Variants in SHISA9 observed in about 807,000 individuals in gnomAD.
SHISA9 encodes protein shisa-9.
A neutral mutation model predicts 38.0 loss-of-function variants in SHISA9; 13 were observed. The observed-to-expected ratio is 0.34, with a 90% CI of 0.22 to 0.54. The LOEUF is 0.54. Among genes scored for constraint, SHISA9 ranks in the 20% least tolerant of loss-of-function variants. The pLI, the probability that SHISA9 is intolerant of heterozygous loss-of-function variation, is 0.91. For synonymous variants in SHISA9, 275 were observed against 242.0 expected, an observed-to-expected ratio of 1.14 and a Z score of -1.27; for missense variants, 538 against 575.8, an observed-to-expected ratio of 0.93 and a Z score of 0.67.
At chr16:13,440,989 AAATT>A in the SHISA9 span, among the ~76,000 whole-genome samples, 2 of 152,338 alleles carry the variant, frequency 1.3e-5, 1 homozygote, top group South Asian at 4.1e-4. Context: ...GGAGTCGAGA[AAATT>A]AATCCAACTC....
intron 4 of SHISA9, among the ~76,000 whole-genome samples, chr16:13,221,337 C>CT (rs200333360): frequency 1.2e-4 from 18 of 150,948 alleles, no homozygotes; most frequent in South Asian, 4.2e-4. Context: ...GAAACTCAGG[C>CT]TTTTTTTTTC....
chr16:13,346,617 C>G, the SHISA9 span, among the ~76,000 whole-genome samples: 1 of 152,042 alleles, frequency 6.6e-6, no homozygotes, highest in African/African-American at 2.4e-5. Flanking sequence ...GTGGAAGTCT[C>G]TTTTATTTTA....
the SHISA9 span, among the ~76,000 whole-genome samples, chr16:13,477,782 T>C: frequency 6.6e-6 from 1 of 152,126 alleles, no homozygotes; most frequent in Admixed American, 6.5e-5. Context: ...CTGACCAACA[T>C]GGTAAAACCC....
chr16:13,308,521 A>T, the SHISA9 span, among the ~76,000 whole-genome samples: 1 of 152,222 alleles, frequency 6.6e-6, no homozygotes, highest in Non-Finnish European at 1.5e-5. Flanking sequence ...CATGGGTCTC[A>T]GACAAATATT....
In SHISA9 at chr16:13,143,015, T is replaced by TTTTATTTTATTTTATTTTA. The variant is rs1555465408; in HGVS notation, c.692-60370_692-60369insTTTTATTTTATTTATTTTA. On this transcript the variant is annotated intron_variant, in intron 2 of 4. Transcript: ENST00000558583. Reference sequence around the variant, plus strand: ...TTTTATTTTATTTTATTTTATTTTATTTTATTTTAAGACAGAGTTTTGCTC... The same window carrying TTTTATTTTATTTTATTTTA: ...TTTTATTTTATTTTATTTTATTTTATTTTATTTTATTTTATTTTATTTATTTTAAGACAGAGTTTTGCTC... Among the ~76,000 whole-genome samples the TTTTATTTTATTTTATTTTA allele has an allele frequency of 4.9e-4, 74 of 151,198 alleles. 2 individuals carry two copies. Among genetic ancestry groups the TTTTATTTTATTTTATTTTA allele is most frequent in the African/African-American group, 1.8e-3 (74 of 41,188 alleles).
intron 2 of SHISA9, among the ~76,000 whole-genome samples, chr16:13,008,675 C>CTCCT (rs2072631876): frequency 4.0e-5 from 5 of 125,110 alleles, no homozygotes; most frequent in South Asian, 5.3e-4. Context: ...TCCTCCCTCC[C>CTCCT]TCCCTCTCTC....
intron 2 of SHISA9, among the ~76,000 whole-genome samples, chr16:12,950,855 AC>A (rs1384973427): frequency 1.3e-4 from 19 of 149,830 alleles, no homozygotes; most frequent in African/African-American, 4.7e-4. Context: ...TGATCCACCC[AC>A]CTCAGCCTCC....
chr16:13,449,663 C>T, the SHISA9 span, among the ~76,000 whole-genome samples: 2 of 152,096 alleles, frequency 1.3e-5, no homozygotes, highest in African/African-American at 4.8e-5. Context: ...TTATGTAAAG[C>T]CCCCACTTGC....
intron 2 of SHISA9, among the ~76,000 whole-genome samples, chr16:13,130,332 G>A (rs2050295844): frequency 6.6e-6 from 1 of 152,146 alleles, no homozygotes; most frequent in African/African-American, 2.4e-5. Flanking sequence ...AAATTTCATA[G>A]CTCTCCCAAA....
chr16:12,929,600 G>A (rs1384062943), intron 2 of SHISA9, among the ~76,000 whole-genome samples: 1 of 151,854 alleles, frequency 6.6e-6, no homozygotes, highest in African/African-American at 2.4e-5. Context: ...GAGAACACAT[G>A]GACACAGGGA....
chr16:13,356,167 T>A, the SHISA9 span, among the ~76,000 whole-genome samples: 2 of 152,220 alleles, frequency 1.3e-5, no homozygotes, highest in African/African-American at 4.8e-5. Flanking sequence ...TTTTCTATTA[T>A]TGTACACCTG....
intron 2 of SHISA9, among the ~76,000 whole-genome samples, chr16:13,195,119 C>A (rs193047796): frequency 2.0e-5 from 3 of 152,244 alleles, no homozygotes; most frequent in East Asian, 1.9e-4. Flanking sequence ...GTAGAAAAAA[C>A]CAGCACACCT....
At position 13,071,634 on chromosome 16, in the gene SHISA9, C is replaced by T. The variant is rs532642221; in HGVS notation, c.692-131760C>T. On this transcript the variant is annotated intron_variant, in intron 2 of 4. Coordinates refer to ENST00000558583, the MANE Select transcript of SHISA9 (RefSeq NM_001145204.3). ...CCCTTCCTTCCCTCCCTCCCTCCTT[C>T]CTTCCCTCCTTCCTGTCTTTCCTTT... Among the ~76,000 whole-genome samples the T allele has an allele frequency of 4.7e-5, 7 of 148,510 alleles. No homozygotes were observed. The East Asian group carries it at 1.4e-3, about 29-fold the overall frequency.
At chr16:13,534,659 CTG>C in the SHISA9 span, among the ~76,000 whole-genome samples, 1 of 152,234 alleles carries the variant, frequency 6.6e-6, no homozygotes, top group Non-Finnish European at 1.5e-5. Context: ...TGTGAAAACA[CTG>C]TGTCCCTGAC....
chr16:13,373,288 C>T, the SHISA9 span, among the ~76,000 whole-genome samples: 1 of 152,304 alleles, frequency 6.6e-6, no homozygotes, highest in African/African-American at 2.4e-5. Flanking sequence ...TTGTTGCAAA[C>T]ACTTGGGTAT....
At chr16:13,186,998 C>T (rs922276516) in intron 2 of SHISA9, among the ~76,000 whole-genome samples, 2 of 152,208 alleles carry the variant, frequency 1.3e-5, no homozygotes, top group Middle Eastern at 3.2e-3. Flanking sequence ...GTTGCTACCA[C>T]CTCCTGGCTG....
At chr16:13,165,019 T>C (rs539686783) in intron 2 of SHISA9, among the ~76,000 whole-genome samples, 131 of 152,318 alleles carry the variant, frequency 8.6e-4, no homozygotes, top group African/African-American at 2.8e-3. Flanking sequence ...TTTTATGATT[T>C]CTGGTTGGTT....
At chr16:13,486,763 G>A in the SHISA9 span, among the ~76,000 whole-genome samples, 3 of 152,138 alleles carry the variant, frequency 2.0e-5, no homozygotes, top group African/African-American at 7.2e-5. Flanking sequence ...GGAGTGCAAT[G>A]GCATGATCTC....
At chr16:13,173,506 G>C (rs2050705925) in intron 2 of SHISA9, among the ~76,000 whole-genome samples, 1 of 151,990 alleles carries the variant, frequency 6.6e-6, no homozygotes, top group Admixed American at 6.6e-5. Flanking sequence ...CACTGTTTCT[G>C]CCCGCGTGGA....
Sources: gnomAD v4.1 joint callset for allele counts (sites outside exome capture counted in the v4.1 genomes callset) on GRCh38, gnomAD v4.1.1 for gene constraint, MANE v1.5 for transcripts, NCBI Gene and HGNC (gene_info 2026-07-23, HGNC 2026-07-21) for gene names.